Variants in DOCK8 observed in about 807,000 individuals in gnomAD.
DOCK8 encodes the protein dedicator of cytokinesis protein 8.
DOCK8 carries 141 observed loss-of-function variants against 245.6 expected under a neutral mutation model. That is an observed-to-expected ratio of 0.57 (90% confidence interval 0.50 to 0.66). The LOEUF is 0.66. Ranked by LOEUF, DOCK8 falls within the 30% of genes least tolerant of loss-of-function variation. The pLI, the probability that DOCK8 is intolerant of heterozygous loss-of-function variation, is 0.00. For missense variants in DOCK8, 2,965 were observed against 2,603.4 expected (o/e 1.14, Z -3.02); for synonymous variants, 1,168 against 970.2 (o/e 1.20, Z -3.79).
At chr9:313,230 A>T (rs901319450) in intron 6 of DOCK8, among the ~76,000 whole-genome samples, 2 of 152,228 alleles carry the variant, frequency 1.3e-5, no homozygotes, top group African/African-American at 2.4e-5. Context: ...CTAAAGGGCA[A>T]TTAGCCTTCA....
chr9:281,622 T>C (rs569862938), intron 2 of DOCK8, among the ~76,000 whole-genome samples: 156 of 133,546 alleles, frequency 1.2e-3, no homozygotes, highest in African/African-American at 4.2e-3. Context: ...ACTAGATGTA[T>C]GTATATATGT....
chr9:316,898 T>C (rs989589037), intron 6 of DOCK8, 145 bp from the exon 7 acceptor site: 2 of 696,466 alleles, frequency 2.9e-6, no homozygotes, highest in East Asian at 5.5e-5. Flanking sequence ...AGAGAAACTT[T>C]CTTATAAAAG....
rs771369517 is a variant in DOCK8, at chr9:215,266, C to T, written c.53+237C>T. ...AAGAATCTCGGTGCTCCTGGATGTCCTCAGCCGCCGGGGATCCCTTCCCCG... is the reference window on the plus strand; with the variant it reads ...AAGAATCTCGGTGCTCCTGGATGTCTTCAGCCGCCGGGGATCCCTTCCCCG... On this transcript the variant is annotated intron_variant, in intron 1 of 47. Transcript: ENST00000432829. 4 of 1,604,462 alleles carry T rather than the reference C, an allele frequency of 2.5e-6. 1 individual carries two copies. In the South Asian group the frequency reaches 3.3e-5, roughly 13 times the overall value.
At chr9:293,502 G>A (rs781452426) in intron 4 of DOCK8, among the ~76,000 whole-genome samples, 3 of 152,244 alleles carry the variant, frequency 2.0e-5, no homozygotes, top group Non-Finnish European at 4.4e-5. Context: ...GCTGGAAGCT[G>A]TGATGCTTTC....
At chr9:287,484 A>G (rs574640987) in intron 3 of DOCK8, among the ~76,000 whole-genome samples, 1 of 152,356 alleles carries the variant, frequency 6.6e-6, no homozygotes, top group Non-Finnish European at 1.5e-5. Context: ...GGTCCCAGAA[A>G]GAAGATCCTG....
intron 1 of DOCK8, among the ~76,000 whole-genome samples, chr9:255,252 T>G (rs900699914): frequency 2.6e-5 from 4 of 152,204 alleles, no homozygotes; most frequent in South Asian, 4.1e-4. Flanking sequence ...ATAACGATCC[T>G]GAGACTCTTT....
intron 28 of DOCK8, among the ~76,000 whole-genome samples, chr9:407,993 A>T (rs2131555721): frequency 6.6e-6 from 1 of 152,286 alleles, no homozygotes; most frequent in Non-Finnish European, 1.5e-5. Context: ...AGAGAACGAA[A>T]TCTAAAGCCA....
At chr9:256,223 C>T (rs2047770893) in intron 1 of DOCK8, among the ~76,000 whole-genome samples, 1 of 152,140 alleles carries the variant, frequency 6.6e-6, no homozygotes, top group Admixed American at 6.5e-5. Context: ...ATTTGCAGAA[C>T]AATAAAGGAC....
intron 7 of DOCK8, among the ~76,000 whole-genome samples, chr9:318,342 T>A (rs1036439306): frequency 4.6e-5 from 7 of 152,222 alleles, no homozygotes; most frequent in African/African-American, 1.4e-4. Flanking sequence ...GGCCCCTGGT[T>A]TGCAGTGAGA....
At chr9:378,752 G>C (rs759823018) in intron 20 of DOCK8, among the ~76,000 whole-genome samples, 10 of 152,360 alleles carry the variant, frequency 6.6e-5, no homozygotes, top group Non-Finnish European at 1.2e-4. Flanking sequence ...TGTTGGCATA[G>C]GCAGAATAAG....
intron 1 of DOCK8, among the ~76,000 whole-genome samples, chr9:229,272 G>A (rs1458453060): frequency 6.6e-6 from 1 of 152,108 alleles, no homozygotes; most frequent in Non-Finnish European, 1.5e-5. Flanking sequence ...CTTTCCCTAC[G>A]TATATCACAA....
At chr9:332,581 C>A in intron 10 of DOCK8, 103 bp downstream of exon 10, 1 of 773,462 alleles carries the variant, frequency 1.3e-6, no homozygotes, top group Non-Finnish European at 2.3e-6. Flanking sequence ...CTAATGTGTC[C>A]CTATATAAGA....
At chr9:349,188 G>C (rs1169242990) in intron 14 of DOCK8, among the ~76,000 whole-genome samples, 1 of 152,198 alleles carries the variant, frequency 6.6e-6, no homozygotes, top group Non-Finnish European at 1.5e-5. Context: ...ACTGTGTTTT[G>C]ACAGCGTAAT....
At chr9:392,385 T>C (rs2054240082) in intron 24 of DOCK8, among the ~76,000 whole-genome samples, 1 of 152,114 alleles carries the variant, frequency 6.6e-6, no homozygotes, top group South Asian at 2.1e-4. Flanking sequence ...TCCCATGAAG[T>C]TTTGCAAAGT....
intron 14 of DOCK8, among the ~76,000 whole-genome samples, chr9:344,238 G>A (rs1405718576): frequency 1.3e-5 from 2 of 152,136 alleles, no homozygotes; most frequent in African/African-American, 4.8e-5. Context: ...TCTTCTCTGT[G>A]GCTCTCAGGC....
At chr9:244,002 G>A (rs1464702323) in intron 1 of DOCK8, among the ~76,000 whole-genome samples, 1 of 151,830 alleles carries the variant, frequency 6.6e-6, no homozygotes, top group Non-Finnish European at 1.5e-5. Context: ...GGCTAACATG[G>A]TGAAACCCCG....
intron 45 of DOCK8, among the ~76,000 whole-genome samples, chr9:451,667 A>C (rs1296373627): frequency 6.6e-6 from 1 of 151,988 alleles, no homozygotes; most frequent in Non-Finnish European, 1.5e-5. Flanking sequence ...ATACATTTAT[A>C]CTTCTGAGTG....
At chr9:427,096 T>TA in intron 34 of DOCK8, 115 bp downstream of exon 34, 1 of 885,184 alleles carries the variant, frequency 1.1e-6, no homozygotes, top group Non-Finnish European at 1.8e-6. Context: ...GTACCTTTTT[T>TA]AAAAAAATGA....
intron 18 of DOCK8, among the ~76,000 whole-genome samples, chr9:372,863 C>G (rs2053357650): frequency 6.6e-6 from 1 of 152,150 alleles, no homozygotes; most frequent in African/African-American, 2.4e-5. Context: ...AACCCCATCT[C>G]TACTAAAAAT....
Sources: allele counts gnomAD v4.1 joint callset (sites outside exome capture counted in the v4.1 genomes callset), GRCh38; gene constraint gnomAD v4.1.1; transcripts MANE v1.5; gene names NCBI Gene and HGNC (gene_info 2026-07-23, HGNC 2026-07-21).